The following SAMD4A variants were observed in gnomAD, a reference collection of about 807,000 sequenced individuals.
SAMD4A encodes the protein sterile alpha motif domain containing 4A, also known as protein Smaug homolog 1.
In SAMD4A, 33 loss-of-function variants were observed where a neutral mutation model predicts 81.3. That is an observed-to-expected ratio of 0.41 (90% confidence interval 0.31 to 0.54). The LOEUF (loss-of-function observed/expected upper bound fraction) is 0.54. Ranked by LOEUF, SAMD4A falls within the 20% of genes least tolerant of loss-of-function variation. The pLI, the probability that SAMD4A is intolerant of heterozygous loss-of-function variation, is 0.37. For synonymous variants in SAMD4A, 389 were observed against 382.1 expected (o/e 1.02, Z -0.21); for missense variants, 854 against 951.1 (o/e 0.90, Z 1.34).
intron 2 of SAMD4A, among the ~76,000 whole-genome samples, chr14:54,678,966 G>A (rs1004701982): frequency 6.6e-6 from 1 of 152,140 alleles, no homozygotes; most frequent in East Asian, 1.9e-4. Context: ...CTCTTTCTCT[G>A]TGCTATGTAA....
chr14:54,760,513 A>G lies in SAMD4A; in HGVS notation c.1510+19A>G, dbSNP rs1177175362. ...GGGAAAGGTAGAGCCTCATTCGCCC[A>G]TTTCTTTTTTCTTCTGGATACCACT... On this transcript the variant is annotated intron_variant, in intron 7 of 12. Coordinates refer to ENST00000554335, the MANE Select transcript of SAMD4A (RefSeq NM_015589.6). 3.6e-6 allele frequency: 5 copies of G among 1,381,792 alleles called. No individual in the cohort carries two copies. Among genetic ancestry groups the G allele is most frequent in the East Asian group, 3.0e-5 (1 of 33,804 alleles). The allele number at this position is 1,381,792 out of a possible 1,614,324, so 85.6% of individuals were successfully genotyped here.
intron 2 of SAMD4A, among the ~76,000 whole-genome samples, chr14:54,632,706 G>C (rs1490106944): frequency 6.6e-6 from 1 of 152,144 alleles, no homozygotes; most frequent in Non-Finnish European, 1.5e-5. Flanking sequence ...GTATTGCATA[G>C]AGACCAAGAA....
chr14:54,688,880 C>T (rs1211660134), intron 2 of SAMD4A, among the ~76,000 whole-genome samples: 1 of 140,698 alleles, frequency 7.1e-6, no homozygotes, highest in Non-Finnish European at 1.6e-5. Context: ...GCTGGTTAAA[C>T]ACAGTTTTTG....
intron 2 of SAMD4A, among the ~76,000 whole-genome samples, chr14:54,583,560 T>A (rs2033534414): frequency 6.6e-6 from 1 of 152,232 alleles, no homozygotes; most frequent in Non-Finnish European, 1.5e-5. Flanking sequence ...TCCTTATCCT[T>A]CTCCCTTTGA....
chr14:54,749,842 A>T (rs2038057656), intron 5 of SAMD4A, among the ~76,000 whole-genome samples: 1 of 152,242 alleles, frequency 6.6e-6, no homozygotes, highest in Admixed American at 6.5e-5. Flanking sequence ...CAGGAAAAGG[A>T]GATTGTACCA....
intron 2 of SAMD4A, among the ~76,000 whole-genome samples, chr14:54,632,558 C>G (rs1326356461): frequency 6.6e-6 from 1 of 152,152 alleles, no homozygotes; most frequent in Non-Finnish European, 1.5e-5. Context: ...TTAAGCTCTA[C>G]CCATTTGTTC....
At chr14:54,615,879 C>A (rs905377506) in intron 2 of SAMD4A, among the ~76,000 whole-genome samples, 1 of 151,064 alleles carries the variant, frequency 6.6e-6, no homozygotes, top group Non-Finnish European at 1.5e-5. Flanking sequence ...CGTATAGGGA[C>A]CCTCCCCTCC....
chr14:54,762,175 G>T (rs1245623253), intron 7 of SAMD4A, among the ~76,000 whole-genome samples: 1 of 152,066 alleles, frequency 6.6e-6, no homozygotes, highest in Non-Finnish European at 1.5e-5. Flanking sequence ...GCCTTTTCTG[G>T]GGCAGACCCT....
rs368269697 is a variant in SAMD4A, at chr14:54,648,270, A to G, written c.197-53792A>G. ...CAGTGAGGAGATGACCAGGACAGGCACAGGACTCTGAATAGAGGCAGGAGG... is the reference window on the plus strand; with the variant it reads ...CAGTGAGGAGATGACCAGGACAGGCGCAGGACTCTGAATAGAGGCAGGAGG... On this transcript the variant is annotated intron_variant, in intron 2 of 12. Coordinates refer to ENST00000554335, the MANE Select transcript of SAMD4A (RefSeq NM_015589.6). Among the ~76,000 whole-genome samples, 4 of 152,214 alleles carry G rather than the reference A, an allele frequency of 2.6e-5. No individual in the cohort carries two copies. The East Asian group carries it at 7.7e-4, about 29-fold the overall frequency.
At chr14:54,600,859 C>T (rs2140222107) in intron 2 of SAMD4A, among the ~76,000 whole-genome samples, 1 of 152,318 alleles carries the variant, frequency 6.6e-6, no homozygotes. Flanking sequence ...ACTCCAGGTT[C>T]TCCAAGAGCT....
intron 3 of SAMD4A, chr14:54,735,077 T>A (rs1045731068): frequency 2.6e-5 from 4 of 152,248 alleles, no homozygotes; most frequent in African/African-American, 7.2e-5. Context: ...TAAGCTGGAA[T>A]GTCCCAGCAC....
At chr14:54,748,006 T>TG (rs1243653818) in intron 4 of SAMD4A, among the ~76,000 whole-genome samples, 1 of 152,268 alleles carries the variant, frequency 6.6e-6, no homozygotes, top group Non-Finnish European at 1.5e-5. Flanking sequence ...ATCTCAGACT[T>TG]GGGGGTTATT....
rs567187338 is a variant in SAMD4A at position 54,784,131 on chromosome 14, C to T, written c.2045-406C>T. On this transcript the variant is annotated intron_variant, in intron 11 of 12. Transcript: ENST00000554335. ...CCCCAGGGAACAGCGGTGCAAAGGC[C>T]GTGAGGTAGGAGGGGGCCTGGGGCA... The T allele has an allele frequency of 3.3e-5, 18 of 546,826 alleles. No individual in the cohort carries two copies. In the East Asian group the frequency reaches 4.7e-4, roughly 14 times the overall value. 33.9% of individuals were successfully genotyped at this position (546,826 alleles called of 1,614,324 possible).
At chr14:54,575,812 A>T (rs578007788) in intron 2 of SAMD4A, among the ~76,000 whole-genome samples, 7 of 152,224 alleles carry the variant, frequency 4.6e-5, no homozygotes, top group East Asian at 3.9e-4. Flanking sequence ...TGAGCATTTT[A>T]TATACTGCTC....
chr14:54,638,183 C>G, intron 2 of SAMD4A, among the ~76,000 whole-genome samples: 1 of 152,202 alleles, frequency 6.6e-6, no homozygotes, highest in East Asian at 1.9e-4. Context: ...TTAAGCAAGT[C>G]ACACAGTAGA....
intron 3 of SAMD4A, among the ~76,000 whole-genome samples, chr14:54,717,646 A>G (rs1286924499): frequency 1.3e-5 from 2 of 152,082 alleles, no homozygotes; most frequent in African/African-American, 4.8e-5. Context: ...TTCACCTGGA[A>G]TCTCAAAATA....
chr14:54,664,340 T>G (rs559860946), intron 2 of SAMD4A, among the ~76,000 whole-genome samples: 1 of 152,272 alleles, frequency 6.6e-6, no homozygotes, highest in Non-Finnish European at 1.5e-5. Flanking sequence ...CACTTATAGT[T>G]TGGATTAAGG....
At chr14:54,741,761 G>A (rs970028225) in intron 4 of SAMD4A, among the ~76,000 whole-genome samples, 2 of 152,200 alleles carry the variant, frequency 1.3e-5, no homozygotes, top group African/African-American at 4.8e-5. Flanking sequence ...GAGTCTCAGA[G>A]CATGACTACA....
At chr14:54,636,178 G>T (rs1326804207) in intron 2 of SAMD4A, among the ~76,000 whole-genome samples, 1 of 152,212 alleles carries the variant, frequency 6.6e-6, no homozygotes, top group African/African-American at 2.4e-5. Flanking sequence ...TTTGAACAGA[G>T]ATGTTAGGGA....
Sources: gnomAD v4.1 joint callset for allele counts (sites outside exome capture counted in the v4.1 genomes callset) on GRCh38, gnomAD v4.1.1 for gene constraint, MANE v1.5 for transcripts, NCBI Gene and HGNC (gene_info 2026-07-23, HGNC 2026-07-21) for gene names.